KIF26B: variants seen among roughly 807,000 people sequenced by gnomAD.
KIF26B encodes the protein kinesin-like protein KIF26B.
In KIF26B, 63 loss-of-function variants were observed where a neutral mutation model predicts 151.2. The observed-to-expected ratio is 0.42, with a 90% CI of 0.34 to 0.51. The LOEUF (loss-of-function observed/expected upper bound fraction) is 0.51. KIF26B is among the 20% of genes least tolerant of loss of function. The probability of loss-of-function intolerance (pLI) is 0.07; values close to 1 mark genes in which losing one functional copy is unlikely to be tolerated. For synonymous variants in KIF26B, 1,357 were observed against 1,262.1 expected (o/e 1.08, Z -1.59); for missense variants, 2,813 against 2,913.6 (o/e 0.97, Z 0.79).
chr1:245,196,379 A>G (rs1422419806), intron 2 of KIF26B, among the ~76,000 whole-genome samples: 3 of 152,100 alleles, frequency 2.0e-5, no homozygotes, highest in Non-Finnish European at 2.9e-5. Context: ...TTCCTCCAGC[A>G]TATTTCCGAG....
At chr1:245,194,527 C>T (rs1573700784) in intron 2 of KIF26B, among the ~76,000 whole-genome samples, 2 of 152,296 alleles carry the variant, frequency 1.3e-5, no homozygotes, top group South Asian at 4.1e-4. Context: ...CAGGCATGTG[C>T]CACCATGCCT....
chr1:245,466,658 GC>G (rs1659798383), intron 4 of KIF26B, among the ~76,000 whole-genome samples: 3 of 152,256 alleles, frequency 2.0e-5, no homozygotes, highest in African/African-American at 7.2e-5. Context: ...GGGCGTGGTG[GC>G]TCACGCCTGT....
chr1:245,359,391 GT>G (rs1672767180), intron 2 of KIF26B, among the ~76,000 whole-genome samples: 1 of 152,108 alleles, frequency 6.6e-6, no homozygotes, highest in Admixed American at 6.6e-5. Context: ...TAGTTGATGG[GT>G]CTGTGATTCA....
intron 2 of KIF26B, among the ~76,000 whole-genome samples, chr1:245,253,671 A>C (rs912967028): frequency 6.6e-6 from 1 of 151,906 alleles, no homozygotes; most frequent in African/African-American, 2.4e-5. Context: ...TCATGTGTCA[A>C]TTTTGAACTA....
At position 245,496,687 on chromosome 1, in the gene KIF26B, C is replaced by G. The variant is rs146186238; in HGVS notation, c.1167-44080C>G. ...AACTGTAAGATGGTAGCTATAAACT[C>G]AAGTATATCCGTAATTGAGTTACAT... On this transcript the variant is annotated intron_variant, in intron 4 of 14. Coordinates refer to ENST00000407071, the MANE Select transcript of KIF26B (RefSeq NM_018012.4). 9.1e-3 allele frequency among the ~76,000 whole-genome samples: 1,385 copies of G among 152,162 alleles called. 26 individuals are homozygous for G. The highest frequency in any genetic ancestry group is 0.032 in the African/African-American group (1,336 of 41,504).
intron 5 of KIF26B, among the ~76,000 whole-genome samples, chr1:245,551,013 C>T (rs184895628): frequency 3.6e-4 from 55 of 152,226 alleles, no homozygotes; most frequent in African/African-American, 1.1e-3. Context: ...TCATTTTTGT[C>T]CCGTCATCAT....
chr1:245,605,756 G>A (rs1160682759), intron 6 of KIF26B, among the ~76,000 whole-genome samples: 1 of 152,076 alleles, frequency 6.6e-6, no homozygotes, highest in Non-Finnish European at 1.5e-5. Flanking sequence ...ACACACACCA[G>A]ATGGACAGCC....
rs759226917 is a variant in KIF26B at position 245,688,767 on chromosome 1, G to A, written c.5784G>A (p.Arg1928=). ...AGAACAGCAGCTCCGTGGGCGGCAG[G>A]TGCCGGAGCCTCAAGACCCCGAAGA... ...TSENSSSVGG[R]CRSLKTPKKR... The change falls in exon 12 of 15, where the codon AGG becomes AGA. Residue 1928 remains arginine (R), a synonymous_variant. Transcript: ENST00000407071. 1.3e-5 allele frequency: 21 copies of A among 1,597,778 alleles called. 1 individual carries two copies. The highest frequency in any genetic ancestry group is 1.0e-4 in the Admixed American group (6 of 59,306).
In KIF26B at chr1:245,528,419, G is replaced by A. The variant is rs568146004; in HGVS notation, c.1167-12348G>A. Among the ~76,000 whole-genome samples the A allele has an allele frequency of 6.6e-5, 10 of 152,236 alleles. No homozygotes were observed. The East Asian group carries it at 1.9e-3, about 29-fold the overall frequency. ...CTGCCCGCTGTGCTTTCTCAAGTAG[G>A]GACTTTTTACCTCTCATTGTCCAAC... On this transcript the variant is annotated intron_variant, in intron 4 of 14. Transcript: ENST00000407071.
At chr1:245,579,599 C>T (rs998948695) in intron 5 of KIF26B, among the ~76,000 whole-genome samples, 18 of 152,228 alleles carry the variant, frequency 1.2e-4, no homozygotes, top group African/African-American at 3.9e-4. Flanking sequence ...CACCTGAGGT[C>T]GGGAGTTCCA....
At chr1:245,260,900 G>A (rs1303404037) in intron 2 of KIF26B, among the ~76,000 whole-genome samples, 2 of 152,248 alleles carry the variant, frequency 1.3e-5, no homozygotes, top group East Asian at 3.9e-4. Flanking sequence ...TAGGACTCTG[G>A]ACATAGCTCT....
chr1:245,369,016 T>C (rs1572027315), intron 3 of KIF26B, among the ~76,000 whole-genome samples: 2 of 152,050 alleles, frequency 1.3e-5, no homozygotes, highest in East Asian at 3.9e-4. Flanking sequence ...CATGCGCCTG[T>C]AGTGTCAGCT....
At chr1:245,194,430 C>T (rs1317675344) in intron 2 of KIF26B, among the ~76,000 whole-genome samples, 2 of 152,094 alleles carry the variant, frequency 1.3e-5, no homozygotes, top group African/African-American at 4.8e-5. Context: ...ACAGAGTCTT[C>T]CTCATGCAGC....
chr1:245,251,392 A>C (rs1411682012), intron 2 of KIF26B, among the ~76,000 whole-genome samples: 1 of 152,140 alleles, frequency 6.6e-6, no homozygotes, highest in Non-Finnish European at 1.5e-5. Flanking sequence ...GTTCATTTCA[A>C]ATATCTTCTC....
At chr1:245,426,817 A>G (rs184593446) in intron 4 of KIF26B, among the ~76,000 whole-genome samples, 156 of 152,324 alleles carry the variant, frequency 1.0e-3, no homozygotes, top group Admixed American at 5.0e-3. Flanking sequence ...GACCATACGG[A>G]GAGCTGTTAC....
chr1:245,688,188 G>A lies in KIF26B; in HGVS notation c.5205G>A (p.Val1735=). The change falls in exon 12 of 15, where the codon GTG becomes GTA. Residue 1735 remains valine, a synonymous_variant. Coordinates refer to ENST00000407071, the MANE Select transcript of KIF26B (RefSeq NM_018012.4). The part of the protein sequence containing the change: ...PKAGQSKISA[V]SRLLLASPRA... ...CCGGCCAGTCCAAGATCTCCGCCGT[G>A]AGCAGACTCCTCCTGGCCAGCCCCA... The A allele has an allele frequency of 6.3e-7, 1 of 1,597,416 alleles. No individual in the cohort carries two copies. The highest frequency in any genetic ancestry group is 8.5e-7 in the Non-Finnish European group (1 of 1,178,386).
chr1:245,626,803 C>T (rs2043729195), intron 9 of KIF26B, among the ~76,000 whole-genome samples: 3 of 152,144 alleles, frequency 2.0e-5, no homozygotes, highest in Admixed American at 1.3e-4. Context: ...AAAATCTTTG[C>T]CTGGACCAAT....
intron 3 of KIF26B, among the ~76,000 whole-genome samples, chr1:245,416,826 G>T (rs1457568807): frequency 6.6e-6 from 1 of 152,186 alleles, no homozygotes; most frequent in Non-Finnish European, 1.5e-5. Context: ...CCAAATCCTG[G>T]TCTGTTATTT....
intron 5 of KIF26B, among the ~76,000 whole-genome samples, chr1:245,599,732 G>A (rs964416241): frequency 2.0e-5 from 3 of 152,152 alleles, no homozygotes; most frequent in Admixed American, 6.5e-5. Flanking sequence ...CCAAAGTTGC[G>A]ACTTGAATGC....
Sources: gnomAD v4.1 joint callset for allele counts (sites outside exome capture counted in the v4.1 genomes callset) on GRCh38, gnomAD v4.1.1 for gene constraint, MANE v1.5 for transcripts, NCBI Gene and HGNC (gene_info 2026-07-23, HGNC 2026-07-21) for gene names.